PLCG2: variants seen among roughly 807,000 people sequenced by gnomAD.
PLCG2 encodes the protein phospholipase C gamma 2, also known as 1-phosphatidylinositol 4,5-bisphosphate phosphodiesterase gamma-2.
Under a neutral mutation model 175.6 loss-of-function variants are expected in PLCG2, and 69 were observed. That is an observed-to-expected ratio of 0.39 (90% CI 0.32 to 0.48). PLCG2 has a LOEUF of 0.48. PLCG2 is among the 20% of genes least tolerant of loss of function. The pLI is 0.91. For synonymous variants in PLCG2, 827 were observed against 624.0 expected (o/e 1.33, Z -4.85); for missense variants, 1,798 against 1,650.9 (o/e 1.09, Z -1.54).
chr16:81,912,450 C>T (rs1909668432), intron 18 of PLCG2, 147 bp from the exon 19 acceptor site: 1 of 941,572 alleles, frequency 1.1e-6, no homozygotes, highest in East Asian at 2.7e-5. Flanking sequence ...GTGCCTTTGT[C>T]TGGGGAAGCC....
chr16:81,827,395 C>T (rs1044211482), intron 2 of PLCG2, among the ~76,000 whole-genome samples: 2 of 151,882 alleles, frequency 1.3e-5, no homozygotes, highest in African/African-American at 4.8e-5. Context: ...TGCCATGTTT[C>T]CCAGGCTGAT....
chr16:81,918,806 C>G (rs372810644), intron 19 of PLCG2, among the ~76,000 whole-genome samples: 1 of 152,042 alleles, frequency 6.6e-6, no homozygotes, highest in Non-Finnish European at 1.5e-5. Context: ...TTCTGTCTTG[C>G]TGATAAAAGC....
chr16:81,888,819 C>T (rs984505488), intron 9 of PLCG2, among the ~76,000 whole-genome samples: 2 of 152,234 alleles, frequency 1.3e-5, no homozygotes, highest in African/African-American at 4.8e-5. Context: ...CCAAATATAG[C>T]TGACCACTTG....
chr16:81,824,290 C>T (rs1028966402), intron 2 of PLCG2, among the ~76,000 whole-genome samples: 2 of 152,074 alleles, frequency 1.3e-5, no homozygotes, highest in Non-Finnish European at 1.5e-5. Flanking sequence ...TGCGTCACCA[C>T]ACCTGGCTAA....
chr16:81,940,087 G>C, intron 30 of PLCG2, 28 bp downstream of exon 30: 3 of 1,581,444 alleles, frequency 1.9e-6, no homozygotes, highest in Non-Finnish European at 2.6e-6. Flanking sequence ...TAAGATGTTC[G>C]ATTTGGGCTG....
intron 9 of PLCG2, among the ~76,000 whole-genome samples, chr16:81,885,035 G>T (rs1908286901): frequency 6.8e-6 from 1 of 147,664 alleles, no homozygotes; most frequent in Non-Finnish European, 1.5e-5. Context: ...CTACAGGTAT[G>T]TGCCACCATG....
rs1010079275 is a variant in PLCG2, at chr16:81,919,341, T to A, written c.2055-143T>A. On this transcript the variant is annotated intron_variant, in intron 19 of 32. Transcript: ENST00000564138. Reference sequence around the variant, plus strand: ...ATCATTGTTTTCTTATTGTCTTGTATTCCATAGGAGGACTATACCCTGTTT... The same window carrying A: ...ATCATTGTTTTCTTATTGTCTTGTAATCCATAGGAGGACTATACCCTGTTT... The A allele has an allele frequency of 9.8e-6, 6 of 612,376 alleles. No individual in the cohort carries two copies. In the African/African-American group the frequency reaches 1.1e-4, roughly 11 times the overall value. The allele number at this position is 612,376 out of a possible 1,614,324, so 37.9% of individuals were successfully genotyped here. A position where few individuals can be genotyped will look rare whatever the true frequency, so the allele number is the denominator to read the frequency against.
At position 81,807,868 on chromosome 16, in the gene PLCG2, C is replaced by G. The variant is rs754823138; in HGVS notation, c.193+21686C>G. 2.6e-5 allele frequency among the ~76,000 whole-genome samples: 4 copies of G among 152,168 alleles called. No individual in the cohort carries two copies. In the South Asian group the frequency reaches 8.3e-4, roughly 32 times the overall value. On this transcript the variant is annotated intron_variant, in intron 2 of 32. Transcript: ENST00000564138. The stretch of plus-strand genomic sequence containing the variant: ...GAGAGAGGGAGGGAGGTGCCACATA[C>G]TTTTCAACAGCCAGATCTCTCAAGA...
At chr16:81,771,109 G>C (rs1910272148) in intron 2 of PLCG2, among the ~76,000 whole-genome samples, 1 of 151,518 alleles carries the variant, frequency 6.6e-6, no homozygotes, top group Non-Finnish European at 1.5e-5. Context: ...CATAAGTACA[G>C]AGCTCAGTAC....
At chr16:81,942,935 A>G (rs1253067667) in intron 30 of PLCG2, among the ~76,000 whole-genome samples, 2 of 150,550 alleles carry the variant, frequency 1.3e-5, no homozygotes, top group Non-Finnish European at 3.0e-5. Flanking sequence ...TTTTTTTTAT[A>G]CAAGGAGGGC....
In PLCG2 at chr16:81,962,426, T is replaced by C. The variant is rs1911811711; in HGVS notation, c.*4428T>C. 1 of 214,200 alleles carries C rather than the reference T, an allele frequency of 4.7e-6. No individual in the cohort carries two copies. The allele number at this position is 214,200 out of a possible 1,614,324, so 13.3% of individuals were successfully genotyped here. On this transcript the variant is annotated 3_prime_UTR_variant, in exon 33 of 33. Transcript: ENST00000564138. ...TCCCTGGTTTTTAATTTTCAAAATA[T>C]TTTCTTTTTGAAGAGCCAGATTCCA...
At chr16:81,914,077 G>A (rs1241213386) in intron 19 of PLCG2, among the ~76,000 whole-genome samples, 1 of 152,216 alleles carries the variant, frequency 6.6e-6, no homozygotes, top group Non-Finnish European at 1.5e-5. Flanking sequence ...TCCTCAGCCT[G>A]GATGGGGAGG....
intron 5 of PLCG2, among the ~76,000 whole-genome samples, chr16:81,864,797 G>A (rs965757950): frequency 3.3e-5 from 5 of 152,174 alleles, no homozygotes; most frequent in African/African-American, 7.2e-5. Context: ...TGGCTGCCTG[G>A]GTGCGGGAGT....
chr16:81,743,768 A>G (rs1909646524), intron 1 of PLCG2, among the ~76,000 whole-genome samples: 1 of 152,194 alleles, frequency 6.6e-6, no homozygotes, highest in African/African-American at 2.4e-5. Context: ...AAGAAAGACT[A>G]AGTCCCAATG....
At chr16:81,906,643 T>C (rs910821225) in intron 15 of PLCG2, among the ~76,000 whole-genome samples, 6 of 152,196 alleles carry the variant, frequency 3.9e-5, no homozygotes, top group African/African-American at 1.4e-4. Flanking sequence ...AGGCTGGTCT[T>C]GAACTCCTGA....
At position 81,816,664 on chromosome 16, in the gene PLCG2, T is replaced by C. The variant is rs995478134; in HGVS notation, c.193+30482T>C. On this transcript the variant is annotated intron_variant, in intron 2 of 32. Coordinates refer to ENST00000564138, the MANE Select transcript of PLCG2 (RefSeq NM_002661.5). The stretch of plus-strand genomic sequence containing the variant: ...CAGCTAATTTTAATTTTTTTTTTTT[T>C]TTTTTTTTTTTTTTTTTAGTAGAGG... Among the ~76,000 whole-genome samples, 624 of 136,660 alleles carry C rather than the reference T, an allele frequency of 4.6e-3. 20 individuals carry two copies. The highest frequency in any genetic ancestry group is 0.017 in the African/African-American group (596 of 34,320). The allele number at this position is 136,660 out of a possible 152,430, so 89.7% of individuals were successfully genotyped here. A position where few individuals can be genotyped will look rare whatever the true frequency, so the allele number is the denominator to read the frequency against.
At chr16:81,805,477 T>C (rs143545978) in intron 2 of PLCG2, among the ~76,000 whole-genome samples, 4 of 120,426 alleles carry the variant, frequency 3.3e-5, no homozygotes, top group East Asian at 4.7e-4. Flanking sequence ...TCAGCCTGGG[T>C]AACAGAGCGA....
chr16:81,862,866 C>G (rs909942483), intron 5 of PLCG2, among the ~76,000 whole-genome samples: 1 of 151,940 alleles, frequency 6.6e-6, no homozygotes. Context: ...AGTGAGATCC[C>G]ATCTCAAAAA....
chr16:81,788,756 C>G (rs973804986), intron 2 of PLCG2, among the ~76,000 whole-genome samples: 1 of 152,198 alleles, frequency 6.6e-6, no homozygotes, highest in African/African-American at 2.4e-5. Context: ...CAGTGGGTCT[C>G]TTGTGGCACA....
Sources: allele counts gnomAD v4.1 joint callset (sites outside exome capture counted in the v4.1 genomes callset), GRCh38; gene constraint gnomAD v4.1.1; transcripts MANE v1.5; gene names NCBI Gene and HGNC (gene_info 2026-07-23, HGNC 2026-07-21).